Variants in NSMCE2 observed in about 807,000 individuals in gnomAD.
NSMCE2 encodes NSE2 SUMO ligase component of SMC5/6 complex.
A neutral mutation model predicts 23.8 loss-of-function variants in NSMCE2; 24 were observed. The ratio of observed to expected loss-of-function variants is 1.01; its 90% CI spans 0.73 to 1.42. NSMCE2 has a LOEUF of 1.42. NSMCE2 is among the 40% of genes most tolerant of loss of function. NSMCE2 has a pLI of 0.00. For synonymous variants in NSMCE2, 92 were observed against 94.1 expected (o/e 0.98, Z 0.13); for missense variants, 284 against 296.5 (o/e 0.96, Z 0.31).
intron 5 of NSMCE2, among the ~76,000 whole-genome samples, chr8:125,224,390 G>A (rs546843749): frequency 5.5e-4 from 84 of 152,240 alleles, no homozygotes; most frequent in Non-Finnish European, 9.9e-4. Flanking sequence ...GCCCAATGTC[G>A]TGGAGCTATT....
chr8:125,328,008 G>T (rs1428938884), intron 5 of NSMCE2, among the ~76,000 whole-genome samples: 1 of 152,182 alleles, frequency 6.6e-6, no homozygotes, highest in Non-Finnish European at 1.5e-5. Context: ...AATTATGGGT[G>T]AGGTTTTCTA....
intron 3 of NSMCE2, among the ~76,000 whole-genome samples, chr8:125,137,664 T>C (rs1304532119): frequency 2.6e-5 from 4 of 152,202 alleles, no homozygotes; most frequent in Non-Finnish European, 5.9e-5. Flanking sequence ...TGACAAAGTC[T>C]TATGACATAG....
chr8:125,357,574 T>G (rs1320799221), intron 6 of NSMCE2, 138 bp from the exon 7 acceptor site: 2 of 698,440 alleles, frequency 2.9e-6, no homozygotes, highest in Non-Finnish European at 4.9e-6. Flanking sequence ...TTCCCTGCAT[T>G]TCCTTATCTA....
intron 6 of NSMCE2, 116 bp from the exon 7 acceptor site, chr8:125,357,595 AT>A: frequency 1.3e-6 from 1 of 762,614 alleles, no homozygotes; most frequent in Non-Finnish European, 2.2e-6. Flanking sequence ...AAGCCTAGTA[AT>A]TATGTAAAGC....
chr8:125,362,370 A>G (rs1813598923), intron 7 of NSMCE2, among the ~76,000 whole-genome samples: 1 of 152,198 alleles, frequency 6.6e-6, no homozygotes, highest in African/African-American at 2.4e-5. Flanking sequence ...CCTCGCCTCC[A>G]GGAAGTCTTC....
At chr8:125,269,711 A>G (rs1827095778) in intron 5 of NSMCE2, among the ~76,000 whole-genome samples, 1 of 152,214 alleles carries the variant, frequency 6.6e-6, no homozygotes, top group Non-Finnish European at 1.5e-5. Context: ...TTGGAAAGCA[A>G]ATCGTTTAAG....
chr8:125,355,733 T>C (rs1813240722), intron 5 of NSMCE2, among the ~76,000 whole-genome samples: 2 of 151,618 alleles, frequency 1.3e-5, no homozygotes, highest in South Asian at 4.2e-4. Context: ...GCTATTGATC[T>C]TTAACTTCTG....
chr8:125,286,311 A>ATTTTTTTT (rs369845619), intron 5 of NSMCE2, among the ~76,000 whole-genome samples: 1 of 98,932 alleles, frequency 1.0e-5, no homozygotes. Context: ...AATACCTTTT[A>ATTTTTTTT]TTTATTTTTT....
At chr8:125,235,849 A>G (rs1031781720) in intron 5 of NSMCE2, among the ~76,000 whole-genome samples, 3 of 152,110 alleles carry the variant, frequency 2.0e-5, no homozygotes, top group Admixed American at 6.6e-5. Context: ...ATATTTCACT[A>G]TTTTTGCTGT....
At chr8:125,181,962 C>G in intron 4 of NSMCE2, 141 bp from the exon 5 acceptor site, 1 of 669,986 alleles carries the variant, frequency 1.5e-6, no homozygotes, top group Non-Finnish European at 2.6e-6. Context: ...GTCCCAACCT[C>G]TCTGGTGCTT....
At chr8:125,283,739 G>C (rs768037847) in intron 5 of NSMCE2, among the ~76,000 whole-genome samples, 5 of 152,306 alleles carry the variant, frequency 3.3e-5, no homozygotes, top group Middle Eastern at 3.4e-3. Flanking sequence ...AGGGGGCAGT[G>C]CCCTCATGAC....
At chr8:125,115,648 G>C (rs986702441) in intron 3 of NSMCE2, among the ~76,000 whole-genome samples, 30 of 152,188 alleles carry the variant, frequency 2.0e-4, no homozygotes, top group Non-Finnish European at 1.9e-4. Flanking sequence ...CTACTTGGGA[G>C]GCTGAGGCAG....
At position 125,182,259 on chromosome 8, in the gene NSMCE2, A is replaced by G. The variant is rs1490408297; in HGVS notation, c.418+3A>G. 6.3e-7 allele frequency: 1 copy of G among 1,597,662 alleles called. No individual in the cohort carries two copies. The highest frequency in any genetic ancestry group is 2.2e-5 in the East Asian group (1 of 44,578). On this transcript the variant is annotated splice_donor_region_variant and intron_variant, in intron 5 of 7. Transcript: ENST00000287437. ...GCTGAAAGAACTAAAGAAGCAATGT[A>G]AGTCAACATGCTTTGCTTTGGTTCG...
chr8:125,276,153 C>A (rs955495446), intron 5 of NSMCE2, among the ~76,000 whole-genome samples: 1 of 152,176 alleles, frequency 6.6e-6, no homozygotes, highest in African/African-American at 2.4e-5. Context: ...ACAAAGAATG[C>A]CCAGTCCACC....
chr8:125,257,098 A>G (rs1826466083), intron 5 of NSMCE2, among the ~76,000 whole-genome samples: 1 of 151,572 alleles, frequency 6.6e-6, no homozygotes, highest in African/African-American at 2.4e-5. Context: ...AGGCTGGCCA[A>G]CATGGTGAAG....
At chr8:125,232,788 A>C (rs1330424181) in intron 5 of NSMCE2, among the ~76,000 whole-genome samples, 1 of 151,958 alleles carries the variant, frequency 6.6e-6, no homozygotes, top group Non-Finnish European at 1.5e-5. Flanking sequence ...ACCTTTTTGG[A>C]TATGTAGAAA....
chr8:125,357,378 G>T, intron 6 of NSMCE2, 59 bp downstream of exon 6: 1 of 1,188,472 alleles, frequency 8.4e-7, no homozygotes. Context: ...GAGGCAGAAA[G>T]GTTCCTGTTT....
intron 3 of NSMCE2, among the ~76,000 whole-genome samples, chr8:125,144,756 A>G (rs750175380): frequency 1.2e-4 from 18 of 152,126 alleles, no homozygotes; most frequent in Non-Finnish European, 2.4e-4. Flanking sequence ...TGCCTCATTC[A>G]TCATCTTCTA....
chr8:125,121,976 C>A (rs1280496664), intron 3 of NSMCE2, among the ~76,000 whole-genome samples: 1 of 151,914 alleles, frequency 6.6e-6, no homozygotes, highest in African/African-American at 2.4e-5. Flanking sequence ...TAACCCTAAC[C>A]CCTTCCCAAT....
Sources: allele counts gnomAD v4.1 joint callset (sites outside exome capture counted in the v4.1 genomes callset), GRCh38; gene constraint gnomAD v4.1.1; transcripts MANE v1.5; gene names NCBI Gene and HGNC (gene_info 2026-07-23, HGNC 2026-07-21).